SUGCT: variants seen among roughly 807,000 people sequenced by gnomAD.
SUGCT encodes succinyl-CoA:glutarate-CoA transferase, also known as succinyl-CoA:glutarate CoA-transferase.
SUGCT carries 41 observed loss-of-function variants against 55.0 expected under a neutral mutation model. That is an observed-to-expected ratio of 0.74 (90% CI 0.58 to 0.97). SUGCT has a LOEUF of 0.97. Among genes scored for constraint, SUGCT ranks in the 50% least tolerant of loss-of-function variants. The pLI, the probability that SUGCT is intolerant of heterozygous loss-of-function variation, is 0.00. For missense variants in SUGCT, 568 were observed against 547.8 expected, an observed-to-expected ratio of 1.04 and a Z score of -0.37; for synonymous variants, 187 against 200.4, an observed-to-expected ratio of 0.93 and a Z score of 0.56.
chr7:40,692,955 TTGAC>T (rs1280624519), intron 12 of SUGCT, among the ~76,000 whole-genome samples: 2 of 152,162 alleles, frequency 1.3e-5, no homozygotes, highest in Non-Finnish European at 2.9e-5. Context: ...GAAGTTTAGT[TTGAC>T]TGAGCTAGTA....
chr7:40,384,893 C>T (rs1257724004), intron 9 of SUGCT, among the ~76,000 whole-genome samples: 11 of 152,096 alleles, frequency 7.2e-5, no homozygotes, highest in Non-Finnish European at 1.5e-4. Flanking sequence ...TACTATGCAT[C>T]AGTCATTGTG....
the SUGCT span, among the ~76,000 whole-genome samples, chr7:40,953,571 A>C: frequency 2.0e-5 from 3 of 151,988 alleles, no homozygotes; most frequent in African/African-American, 7.3e-5. Context: ...TTTTTTCCCC[A>C]TCTTTGTGGT....
chr7:40,294,180 C>T (rs1434496063), intron 8 of SUGCT, among the ~76,000 whole-genome samples: 2 of 151,920 alleles, frequency 1.3e-5, no homozygotes, highest in Non-Finnish European at 2.9e-5. Context: ...CTACTCCTGA[C>T]CTCAGGTGAT....
At position 40,188,377 on chromosome 7, in the gene SUGCT, T is replaced by C. The variant is rs371476138; in HGVS notation, c.227-118T>C. On this transcript the variant is annotated intron_variant, in intron 3 of 13. Coordinates refer to ENST00000335693, the MANE Select transcript of SUGCT (RefSeq NM_001193313.2). ...CGAACCCAGGAGGTAGAGGTTGCAGTGAGCAGAGATCGTTCCTCTGCACTC... is the reference window on the plus strand; with the variant it reads ...CGAACCCAGGAGGTAGAGGTTGCAGCGAGCAGAGATCGTTCCTCTGCACTC... The C allele has an allele frequency of 1.7e-4, 113 of 667,624 alleles. 1 individual carries two copies. In the African/African-American group the frequency reaches 2.1e-3, roughly 12 times the overall value. The allele number at this position is 667,624 out of a possible 1,614,324, so 41.4% of individuals were successfully genotyped here. A position where few individuals can be genotyped will look rare whatever the true frequency, so the allele number is the denominator to read the frequency against.
intron 12 of SUGCT, among the ~76,000 whole-genome samples, chr7:40,518,192 A>G (rs937844717): frequency 3.3e-5 from 5 of 152,156 alleles, no homozygotes; most frequent in Non-Finnish European, 7.4e-5. Flanking sequence ...CCAGAATGTG[A>G]CAAATGAATG....
At chr7:40,570,118 C>A (rs1796360944) in intron 12 of SUGCT, among the ~76,000 whole-genome samples, 1 of 152,136 alleles carries the variant, frequency 6.6e-6, no homozygotes, top group Non-Finnish European at 1.5e-5. Flanking sequence ...AAAATAAGAA[C>A]TTTTTTAGTT....
At chr7:40,253,524 A>G (rs1400713712) in intron 7 of SUGCT, among the ~76,000 whole-genome samples, 2 of 152,218 alleles carry the variant, frequency 1.3e-5, no homozygotes, top group Non-Finnish European at 2.9e-5. Flanking sequence ...CTGGAACATA[A>G]TCGGCATTCA....
intron 12 of SUGCT, among the ~76,000 whole-genome samples, chr7:40,671,182 T>C (rs1801920871): frequency 6.6e-6 from 1 of 152,216 alleles, no homozygotes; most frequent in South Asian, 2.1e-4. Context: ...TTTTCATCTG[T>C]TGAGTCTTTC....
intron 12 of SUGCT, among the ~76,000 whole-genome samples, chr7:40,506,902 T>A (rs981235520): frequency 2.6e-5 from 4 of 152,182 alleles, no homozygotes; most frequent in African/African-American, 9.6e-5. Flanking sequence ...CTTGAATAAT[T>A]TCTACCTCCT....
At chr7:40,323,217 C>T (rs1406542751) in intron 9 of SUGCT, among the ~76,000 whole-genome samples, 2 of 152,036 alleles carry the variant, frequency 1.3e-5, no homozygotes, top group African/African-American at 4.8e-5. Flanking sequence ...TTTCTTTAAC[C>T]TCTCCTCTCT....
At chr7:40,169,709 G>C (rs988864055) in intron 1 of SUGCT, among the ~76,000 whole-genome samples, 1 of 151,644 alleles carries the variant, frequency 6.6e-6, no homozygotes, top group Non-Finnish European at 1.5e-5. Flanking sequence ...TCCAAAGTCC[G>C]TTTGCCTGAG....
At chr7:40,365,355 G>A (rs1783884634) in intron 9 of SUGCT, among the ~76,000 whole-genome samples, 1 of 151,718 alleles carries the variant, frequency 6.6e-6, no homozygotes, top group Non-Finnish European at 1.5e-5. Flanking sequence ...ACTGGCACAA[G>A]ACAGGGATGC....
the SUGCT span, among the ~76,000 whole-genome samples, chr7:40,940,583 A>G: frequency 6.6e-6 from 1 of 152,106 alleles, no homozygotes; most frequent in African/African-American, 2.4e-5. Context: ...TTCTCCTTGT[A>G]GAGATCTTTC....
chr7:40,285,105 G>A lies in SUGCT; in HGVS notation c.720+10449G>A, dbSNP rs113577715. On this transcript the variant is annotated intron_variant, in intron 8 of 13. Coordinates refer to ENST00000335693, the MANE Select transcript of SUGCT (RefSeq NM_001193313.2). ...CCCAAAGGAAAAAAGAATAAAATGG[G>A]GAGAAATGTTTTATGGTGATGTAAC... Among the ~76,000 whole-genome samples, 238 of 152,184 alleles carry A rather than the reference G, an allele frequency of 1.6e-3. 4 individuals carry two copies. Among genetic ancestry groups the A allele is most frequent in the African/African-American group, 5.4e-3 (223 of 41,536 alleles).
At chr7:40,831,227 T>C (rs939513500) in intron 13 of SUGCT, among the ~76,000 whole-genome samples, 2 of 152,146 alleles carry the variant, frequency 1.3e-5, no homozygotes, top group Non-Finnish European at 2.9e-5. Flanking sequence ...GCTCACCCAA[T>C]GTTTGCTGTC....
At chr7:40,771,938 A>G (rs1789125185) in intron 13 of SUGCT, among the ~76,000 whole-genome samples, 2 of 152,124 alleles carry the variant, frequency 1.3e-5, no homozygotes, top group Admixed American at 6.5e-5. Context: ...CTCTACCTCA[A>G]GAATTGTTAG....
At chr7:40,820,779 G>C (rs1249433592) in intron 13 of SUGCT, among the ~76,000 whole-genome samples, 2 of 151,638 alleles carry the variant, frequency 1.3e-5, no homozygotes, top group Non-Finnish European at 2.9e-5. Flanking sequence ...CCTGACACCC[G>C]GCCAGAACTT....
At chr7:40,336,627 A>G (rs1259169415) in intron 9 of SUGCT, among the ~76,000 whole-genome samples, 1 of 151,856 alleles carries the variant, frequency 6.6e-6, no homozygotes, top group South Asian at 2.1e-4. Context: ...CACGTATTTA[A>G]TTCTTCTCTC....
chr7:40,556,927 T>G (rs1278909831), intron 12 of SUGCT, among the ~76,000 whole-genome samples: 1 of 152,164 alleles, frequency 6.6e-6, no homozygotes, highest in African/African-American at 2.4e-5. Context: ...GTCAGATGAT[T>G]CTACTACTCA....
Sources: gnomAD v4.1 joint callset for allele counts (sites outside exome capture counted in the v4.1 genomes callset) on GRCh38, gnomAD v4.1.1 for gene constraint, MANE v1.5 for transcripts, NCBI Gene and HGNC (gene_info 2026-07-23, HGNC 2026-07-21) for gene names.